The following PRKG2 variants were observed in gnomAD, a reference collection of about 807,000 sequenced individuals.
The protein encoded by PRKG2 is cGMP-dependent protein kinase 2.
In PRKG2, 33 loss-of-function variants were observed where a neutral mutation model predicts 97.2. The ratio of observed to expected loss-of-function variants is 0.34; its 90% CI spans 0.26 to 0.45. The LOEUF is 0.45. PRKG2 is among the 20% of genes least tolerant of loss of function. The pLI is 1.00. For missense variants in PRKG2, 638 were observed against 900.0 expected, an observed-to-expected ratio of 0.71 and a Z score of 3.73; for synonymous variants, 330 against 321.8, an observed-to-expected ratio of 1.03 and a Z score of -0.27.
intron 2 of PRKG2, chr4:81,193,201 A>C (rs188211316): frequency 3.5e-4 from 53 of 152,236 alleles, no homozygotes; most frequent in African/African-American, 1.2e-3. Context: ...ATTTCATTTC[A>C]TAGCTTAATT....
At chr4:81,187,937 A>T (rs1003989469) in intron 2 of PRKG2, among the ~76,000 whole-genome samples, 3 of 152,174 alleles carry the variant, frequency 2.0e-5, no homozygotes, top group South Asian at 2.1e-4. Context: ...AAACCTAGGC[A>T]TTACCATTCA....
chr4:81,196,030 G>A (rs1174401730), intron 2 of PRKG2, among the ~76,000 whole-genome samples: 2 of 152,126 alleles, frequency 1.3e-5, no homozygotes, highest in Non-Finnish European at 2.9e-5. Context: ...TTAGTTAACT[G>A]TAAAGGGCTT....
At chr4:81,210,052 C>T (rs531384997) in intron 1 of PRKG2, among the ~76,000 whole-genome samples, 13 of 151,960 alleles carry the variant, frequency 8.6e-5, no homozygotes, top group Non-Finnish European at 1.0e-4. Context: ...AATCTAGATA[C>T]CGATCTTATA....
intron 9 of PRKG2, among the ~76,000 whole-genome samples, chr4:81,146,153 A>C (rs1008042585): frequency 1.3e-5 from 2 of 152,160 alleles, no homozygotes; most frequent in Non-Finnish European, 2.9e-5. Context: ...ACTTTTATTT[A>C]TTCTATACTT....
chr4:81,168,511 C>T (rs1421533575), intron 5 of PRKG2, among the ~76,000 whole-genome samples: 4 of 152,122 alleles, frequency 2.6e-5, no homozygotes, highest in Non-Finnish European at 4.4e-5. Context: ...ACAACCCAGG[C>T]ACACTGGTTT....
At chr4:81,133,039 G>T (rs1196542349) in intron 14 of PRKG2, among the ~76,000 whole-genome samples, 3 of 151,858 alleles carry the variant, frequency 2.0e-5, no homozygotes, top group Admixed American at 2.0e-4. Context: ...GTAGTTCTTT[G>T]TGTCCTGAGT....
intron 14 of PRKG2, 37 bp downstream of exon 14, chr4:81,135,118 T>G (rs1398586400): frequency 1.3e-6 from 2 of 1,547,552 alleles, no homozygotes; most frequent in Admixed American, 1.9e-5. Flanking sequence ...AGGGGAAATA[T>G]CTCATATGAG....
chr4:81,182,627 A>G (rs1751510485), intron 2 of PRKG2, among the ~76,000 whole-genome samples: 1 of 152,090 alleles, frequency 6.6e-6, no homozygotes, highest in African/African-American at 2.4e-5. Flanking sequence ...TTTCCAAAAG[A>G]TATGATTATG....
rs115956944 is a variant in PRKG2, at chr4:81,144,360, C to T, written c.1155-30G>A. 505 of 1,548,146 alleles carry T rather than the reference C, an allele frequency of 3.3e-4. No individual in the cohort carries two copies. In the African/African-American group the frequency reaches 5.2e-3, roughly 16 times the overall value. On this transcript the variant is annotated intron_variant, in intron 9 of 18. Transcript: ENST00000264399. ...ATAGATAGAATAAAGTAAAATGCTCCGTGCTGATAGTTACCAAGGCAACTT... is the reference window on the plus strand; with the variant it reads ...ATAGATAGAATAAAGTAAAATGCTCTGTGCTGATAGTTACCAAGGCAACTT...
intron 3 of PRKG2, among the ~76,000 whole-genome samples, chr4:81,173,014 G>A (rs1366225441): frequency 5.9e-5 from 9 of 152,050 alleles, no homozygotes; most frequent in Non-Finnish European, 1.2e-4. Context: ...CCACTTAGTG[G>A]TAGTGTCCAG....
intron 6 of PRKG2, among the ~76,000 whole-genome samples, chr4:81,157,632 G>C (rs139128725): frequency 0.39 from 58,854 of 151,722 alleles, 17,480 homozygotes; most frequent in African/African-American, 0.82. Flanking sequence ...AACCAAAAAA[G>C]AGAATTTTAG....
chr4:81,155,417 T>C (rs1203328340), intron 6 of PRKG2, among the ~76,000 whole-genome samples: 2 of 151,684 alleles, frequency 1.3e-5, no homozygotes, highest in Non-Finnish European at 2.9e-5. Flanking sequence ...CTCCAAGAAA[T>C]ATGGGACTAT....
chr4:81,191,585 T>C (rs966414282), intron 2 of PRKG2, among the ~76,000 whole-genome samples: 3 of 151,818 alleles, frequency 2.0e-5, no homozygotes, highest in Non-Finnish European at 4.4e-5. Context: ...AAGGATAATA[T>C]TAATAATAAA....
chr4:81,150,080 GTAGAGA>G (rs1299032721), intron 8 of PRKG2, among the ~76,000 whole-genome samples: 3 of 152,248 alleles, frequency 2.0e-5, no homozygotes, highest in East Asian at 1.9e-4. Context: ...ATATGTAGAG[GTAGAGA>G]TAGAGATAGA....
rs57440029 is a variant in PRKG2, at chr4:81,110,750, AAGAG to A, written c.1777-143_1777-140del. On this transcript the variant is annotated intron_variant, in intron 14 of 18. Coordinates refer to ENST00000264399, the MANE Select transcript of PRKG2 (RefSeq NM_006259.3). ...ATGCACACACACACACACACACACA[AAGAG>A]AGAGAGAGAGAGACAGACAGACGGA... 2.5e-5 allele frequency: 9 copies of A among 358,836 alleles called. No individual in the cohort carries two copies. The East Asian group carries it at 2.5e-4, about 10-fold the overall frequency. The allele number at this position is 358,836 out of a possible 1,614,324, so 22.2% of individuals were successfully genotyped here. A position where few individuals can be genotyped will look rare whatever the true frequency, so the allele number is the denominator to read the frequency against.
intron 2 of PRKG2, among the ~76,000 whole-genome samples, chr4:81,186,310 T>A (rs1033013764): frequency 2.6e-5 from 4 of 152,142 alleles, no homozygotes; most frequent in Non-Finnish European, 5.9e-5. Context: ...AACTCAAGAT[T>A]AAGAAACTCA....
intron 17 of PRKG2, among the ~76,000 whole-genome samples, chr4:81,100,275 AACAAAGGTGGAGG>A (rs1178139476): frequency 6.6e-6 from 1 of 152,152 alleles, no homozygotes; most frequent in Non-Finnish European, 1.5e-5. Context: ...AAGCCAAAAG[AACAAAGGTGGAGG>A]CATCACGCTA....
rs116156392 is a variant in PRKG2 at position 81,144,438 on chromosome 4, T to A, written c.1155-108A>T. ...AGCTGGTTATTCCTGACTTTATAAA[T>A]CATTTTTTAAATAATTTATGAAATA... On this transcript the variant is annotated intron_variant, in intron 9 of 18. Coordinates refer to ENST00000264399, the MANE Select transcript of PRKG2 (RefSeq NM_006259.3). 2,329 of 808,770 alleles carry A rather than the reference T, an allele frequency of 2.9e-3. 35 individuals carry two copies. In the African/African-American group the frequency reaches 0.034, roughly 12 times the overall value. 50.1% of individuals were successfully genotyped at this position (808,770 alleles called of 1,614,324 possible). A position where few individuals can be genotyped will look rare whatever the true frequency, so the allele number is the denominator to read the frequency against.
intron 5 of PRKG2, among the ~76,000 whole-genome samples, chr4:81,167,940 C>CAGTA (rs1245487116): frequency 1.3e-5 from 2 of 151,932 alleles, no homozygotes; most frequent in East Asian, 3.9e-4. Flanking sequence ...CTAGGTTGGG[C>CAGTA]AGTAGCTTCA....
Sources: allele counts gnomAD v4.1 joint callset (sites outside exome capture counted in the v4.1 genomes callset), GRCh38; gene constraint gnomAD v4.1.1; transcripts MANE v1.5; gene names NCBI Gene and HGNC (gene_info 2026-07-23, HGNC 2026-07-21).